The following RSRC1 variants were observed in gnomAD, a reference collection of about 807,000 sequenced individuals.
RSRC1 encodes arginine and serine rich coiled-coil 1, also known as serine/Arginine-related protein 53.
Under a neutral mutation model 49.1 loss-of-function variants are expected in RSRC1, and 39 were observed. The ratio of observed to expected loss-of-function variants is 0.79; its 90% CI spans 0.61 to 1.04. The LOEUF (loss-of-function observed/expected upper bound fraction) is 1.04. Among genes scored for constraint, RSRC1 ranks in the 50% least tolerant of loss-of-function variants. RSRC1 has a pLI of 0.00. For missense variants in RSRC1, 388 were observed against 402.4 expected (o/e 0.96, Z 0.31); for synonymous variants, 143 against 130.8 (o/e 1.09, Z -0.63).
Position 158,166,777 on chromosome 3 carries a change from G to T in RSRC1, c.321-36295G>T, listed in dbSNP as rs575495223. Among the ~76,000 whole-genome samples the T allele has an allele frequency of 3.9e-5, 6 of 152,260 alleles. No individual in the cohort carries two copies. The South Asian group carries it at 1.2e-3, about 32-fold the overall frequency. On this transcript the variant is annotated intron_variant, in intron 3 of 9. Coordinates refer to ENST00000611884, the MANE Select transcript of RSRC1 (RefSeq NM_001271838.2). Reference sequence around the variant, plus strand: ...TTTAATCTCTCAAATCAATCAACTTGTTCTCTGCTAGAATTATGAACTTCC... The same window carrying T: ...TTTAATCTCTCAAATCAATCAACTTTTTCTCTGCTAGAATTATGAACTTCC...
At chr3:158,143,359 A>G (rs1276740769) in intron 3 of RSRC1, among the ~76,000 whole-genome samples, 2 of 152,212 alleles carry the variant, frequency 1.3e-5, no homozygotes, top group African/African-American at 4.8e-5. Context: ...TACTATCTGA[A>G]AGAGTAATGC....
rs1031353532 is a variant in RSRC1 at position 158,179,235 on chromosome 3, G to A, written c.321-23837G>A. On this transcript the variant is annotated intron_variant, in intron 3 of 9. Transcript: ENST00000611884. ...ATGCAGGTAGATGAAATAATACGGAGAGATCCTATACACTCTTTGTCCTGT... is the reference window on the plus strand; with the variant it reads ...ATGCAGGTAGATGAAATAATACGGAAAGATCCTATACACTCTTTGTCCTGT... Among the ~76,000 whole-genome samples, 4 of 152,160 alleles carry A rather than the reference G, an allele frequency of 2.6e-5. No homozygotes were observed. In the East Asian group the frequency reaches 7.7e-4, roughly 29 times the overall value.
intron 6 of RSRC1, among the ~76,000 whole-genome samples, chr3:158,414,118 C>T (rs1005640707): frequency 2.6e-5 from 4 of 152,142 alleles, no homozygotes; most frequent in African/African-American, 9.7e-5. Context: ...CATGGCAGCA[C>T]TATTCACTGT....
intron 7 of RSRC1, among the ~76,000 whole-genome samples, chr3:158,514,491 A>G (rs568164344): frequency 6.6e-6 from 1 of 152,250 alleles, no homozygotes; most frequent in Admixed American, 6.5e-5. Flanking sequence ...ATAGTTTGTT[A>G]TAATTTCTGG....
At chr3:158,497,643 G>T (rs1739406941) in intron 7 of RSRC1, among the ~76,000 whole-genome samples, 1 of 151,832 alleles carries the variant, frequency 6.6e-6, no homozygotes. Flanking sequence ...CACCATGTTG[G>T]CCAGGATGAC....
At chr3:158,537,272 CT>C in intron 8 of RSRC1, 74 bp downstream of exon 8, 1 of 859,710 alleles carries the variant, frequency 1.2e-6, no homozygotes, top group South Asian at 2.0e-5. Flanking sequence ...ATGGATTTTA[CT>C]TAAATGTGTT....
chr3:158,396,797 CA>C (rs1289109696), intron 6 of RSRC1, among the ~76,000 whole-genome samples: 2 of 152,094 alleles, frequency 1.3e-5, no homozygotes, highest in Non-Finnish European at 2.9e-5. Context: ...ATACAAATCT[CA>C]AAGGAAATAA....
At chr3:158,179,135 G>C (rs939451466) in intron 3 of RSRC1, among the ~76,000 whole-genome samples, 1 of 151,970 alleles carries the variant, frequency 6.6e-6, no homozygotes, top group Non-Finnish European at 1.5e-5. Context: ...ATCTTGTCTA[G>C]TTGAATTGGC....
At chr3:158,154,126 A>T (rs1208203592) in intron 3 of RSRC1, among the ~76,000 whole-genome samples, 1 of 152,224 alleles carries the variant, frequency 6.6e-6, no homozygotes, top group African/African-American at 2.4e-5. Flanking sequence ...TTCCCAGTGC[A>T]TATAGAAGTT....
At chr3:158,194,805 G>C (rs1720475082) in intron 3 of RSRC1, among the ~76,000 whole-genome samples, 2 of 151,974 alleles carry the variant, frequency 1.3e-5, no homozygotes, top group African/African-American at 2.4e-5. Context: ...CTTCATCCAT[G>C]TCCCTACAAA....
In RSRC1 at chr3:158,123,868, G is replaced by T. The variant is rs199775686; in HGVS notation, c.197G>T (p.Arg66Leu). The change falls in exon 3 of 10, where the codon CGC becomes CTC. Residue 66 changes from arginine to leucine, a missense_variant and splice_region_variant. Physicochemically the swap from Arg to Leu is moderately radical, Grantham distance 102. Coordinates refer to ENST00000611884, the MANE Select transcript of RSRC1 (RefSeq NM_001271838.2). ...QPRSHSYDRR[R>L]RHRSSSSSSY... ...TCTTTGATTATATTTTATTTCAGAC[G>T]CAGGCATCGATCAAGCAGTAGCTCT... is the stretch of plus-strand genomic sequence containing the variant. 1.2e-6 allele frequency: 2 copies of T among 1,601,386 alleles called. No individual in the cohort carries two copies. Among genetic ancestry groups the T allele is most frequent in the East Asian group, 4.5e-5 (2 of 44,684 alleles).
chr3:158,112,300 A>G (rs1436415156), intron 1 of RSRC1, among the ~76,000 whole-genome samples: 1 of 152,236 alleles, frequency 6.6e-6, no homozygotes, highest in African/African-American at 2.4e-5. Context: ...TACTAGGACT[A>G]TGTAATATAA....
At chr3:158,532,072 T>A (rs976218460) in intron 7 of RSRC1, among the ~76,000 whole-genome samples, 7 of 151,936 alleles carry the variant, frequency 4.6e-5, no homozygotes, top group African/African-American at 1.7e-4. Flanking sequence ...TAATTTAATA[T>A]GAAAATAAGA....
At chr3:158,526,604 C>A (rs1024373063) in intron 7 of RSRC1, among the ~76,000 whole-genome samples, 6 of 151,976 alleles carry the variant, frequency 3.9e-5, no homozygotes, top group African/African-American at 1.4e-4. Context: ...ATCTCCAACA[C>A]CTAGCCTAGC....
rs146710950 is a variant in RSRC1, at chr3:158,227,267, T to C, written c.494+24022T>C. On this transcript the variant is annotated intron_variant, in intron 4 of 9. Coordinates refer to ENST00000611884, the MANE Select transcript of RSRC1 (RefSeq NM_001271838.2). ...CTCCAGTGCTGAATACAAACTCAGT[T>C]ACTAAATATGGACCTCCTTGTCCTG... Among the ~76,000 whole-genome samples, 250 of 152,058 alleles carry C rather than the reference T, an allele frequency of 1.6e-3. 4 individuals are homozygous for C. The highest frequency in any genetic ancestry group is 5.8e-3 in the African/African-American group (241 of 41,544).
At chr3:158,250,285 C>T (rs1371017785) in intron 4 of RSRC1, among the ~76,000 whole-genome samples, 1 of 152,120 alleles carries the variant, frequency 6.6e-6, no homozygotes, top group Non-Finnish European at 1.5e-5. Flanking sequence ...CGTGGGAGTG[C>T]AGATGATCTT....
At chr3:158,441,225 C>T (rs1196474525) in intron 6 of RSRC1, among the ~76,000 whole-genome samples, 1 of 151,996 alleles carries the variant, frequency 6.6e-6, no homozygotes, top group African/African-American at 2.4e-5. Context: ...TTTCTGACTT[C>T]TTGGCAGTAT....
intron 3 of RSRC1, among the ~76,000 whole-genome samples, chr3:158,168,649 C>T (rs189039357): frequency 8.5e-5 from 13 of 152,078 alleles, no homozygotes; most frequent in African/African-American, 2.7e-4. Context: ...TGTTACTATT[C>T]GTTAAGATTA....
chr3:158,146,010 C>T (rs1236713091), intron 3 of RSRC1, among the ~76,000 whole-genome samples: 1 of 152,180 alleles, frequency 6.6e-6, no homozygotes, highest in Non-Finnish European at 1.5e-5. Context: ...AGTTGCTTAT[C>T]AGCTTAAGGA....
Sources: allele counts gnomAD v4.1 joint callset (sites outside exome capture counted in the v4.1 genomes callset), GRCh38; gene constraint gnomAD v4.1.1; transcripts MANE v1.5; gene names NCBI Gene and HGNC (gene_info 2026-07-23, HGNC 2026-07-21).